SLC25A15: variants seen among roughly 807,000 people sequenced by gnomAD.
SLC25A15 encodes the protein solute carrier family 25 member 15.
SLC25A15 carries 24 observed loss-of-function variants against 32.3 expected under a neutral mutation model. That is an observed-to-expected ratio of 0.74 (90% CI 0.54 to 1.04). The LOEUF is 1.04. Among genes scored for constraint, SLC25A15 ranks in the 50% least tolerant of loss-of-function variants. SLC25A15 has a pLI of 0.00. For missense variants in SLC25A15, 317 were observed against 374.5 expected (o/e 0.85, Z 1.27); for synonymous variants, 132 against 142.1 (o/e 0.93, Z 0.51).
chr13:40,791,127 C>G (rs1056086808), intron 1 of SLC25A15, among the ~76,000 whole-genome samples: 3 of 151,532 alleles, frequency 2.0e-5, no homozygotes, highest in Non-Finnish European at 4.4e-5. Context: ...TTTGTGTTGC[C>G]TTTGGCCAGG....
chr13:40,805,049 G>A (rs1208209213), intron 3 of SLC25A15, 69 bp from the exon 4 acceptor site: 1 of 1,597,616 alleles, frequency 6.3e-7, no homozygotes, highest in Non-Finnish European at 8.6e-7. Context: ...TCACCAAAGT[G>A]CTGTCTGTGT....
chr13:40,792,399 C>T (rs1881540984), intron 1 of SLC25A15, among the ~76,000 whole-genome samples: 1 of 152,184 alleles, frequency 6.6e-6, no homozygotes, highest in African/African-American at 2.4e-5. Context: ...GAATCAGAGG[C>T]CGCATTTTAT....
chr13:40,791,559 T>C (rs1299744958), intron 1 of SLC25A15, among the ~76,000 whole-genome samples: 1 of 151,898 alleles, frequency 6.6e-6, no homozygotes, highest in African/African-American at 2.4e-5. Context: ...GGTTACACCA[T>C]ATTCGTCAAG....
Position 40,799,168 on chromosome 13 carries a change from C to T in SLC25A15, c.167C>T (p.Ser56Phe). Reference sequence around the variant, plus strand: ...ACCGACTGCTGCCTGAAGACTTACTCCCAGGTGGGCTTCCGTGGCTTCTAC... The same window carrying T: ...ACCGACTGCTGCCTGAAGACTTACTTCCAGGTGGGCTTCCGTGGCTTCTAC... ...GLTDCCLKTY[S>F]QVGFRGFYKG... Residue 56 changes from serine (S) to phenylalanine (F), a missense_variant, in exon 3 of 7, where the codon TCC becomes TTC. Physicochemically the swap from Ser to Phe is radical, Grantham distance 155. Transcript: ENST00000338625. 1 of 1,614,188 alleles carries T rather than the reference C, an allele frequency of 6.2e-7. No individual in the cohort carries two copies. The highest frequency in any genetic ancestry group is 1.1e-5 in the South Asian group (1 of 91,084).
chr13:40,809,402 G>A, intron 6 of SLC25A15, 141 bp from the exon 7 acceptor site: 1 of 1,029,960 alleles, frequency 9.7e-7, no homozygotes. Flanking sequence ...GGAAAAGCTG[G>A]GAATGCATCC....
At chr13:40,796,998 G>A (rs1056339274) in intron 2 of SLC25A15, among the ~76,000 whole-genome samples, 1 of 152,104 alleles carries the variant, frequency 6.6e-6, no homozygotes, top group African/African-American at 2.4e-5. Flanking sequence ...CTAGGCAAGT[G>A]GAGAAATATA....
chr13:40,797,127 C>G, intron 2 of SLC25A15, among the ~76,000 whole-genome samples: 2 of 152,066 alleles, frequency 1.3e-5, no homozygotes, highest in Middle Eastern at 6.8e-3. Context: ...CAGTGAGCGC[C>G]GTGACCATAT....
rs17061581 is a variant in SLC25A15 at position 40,803,641 on chromosome 13, T to C, written c.315-1477T>C. Among the ~76,000 whole-genome samples, 883 of 152,354 alleles carry C rather than the reference T, an allele frequency of 5.8e-3. 8 individuals carry two copies. The highest frequency in any genetic ancestry group is 0.014 in the South Asian group (66 of 4,828). The stretch of plus-strand genomic sequence containing the variant: ...CTAGTTTAGATTTCCAGTTTAGCAA[T>C]TTCACCTAATACCATTGAGCTTGCA... On this transcript the variant is annotated intron_variant, in intron 3 of 6. Coordinates refer to ENST00000338625, the MANE Select transcript of SLC25A15 (RefSeq NM_014252.4).
chr13:40,796,518 T>C (rs1049516217), intron 2 of SLC25A15, among the ~76,000 whole-genome samples: 12 of 152,262 alleles, frequency 7.9e-5, no homozygotes, highest in African/African-American at 2.9e-4. Context: ...TTACCTTGTT[T>C]AGCATAGTTG....
At chr13:40,799,912 G>A (rs1288542795) in intron 3 of SLC25A15, among the ~76,000 whole-genome samples, 1 of 152,192 alleles carries the variant, frequency 6.6e-6, no homozygotes, top group Non-Finnish European at 1.5e-5. Context: ...AAGATGCAAG[G>A]GAACCCACCT....
At chr13:40,794,264 C>G (rs1056365166) in intron 2 of SLC25A15, among the ~76,000 whole-genome samples, 3 of 151,974 alleles carry the variant, frequency 2.0e-5, no homozygotes, top group African/African-American at 7.3e-5. Context: ...CGCTTGAACC[C>G]CGGAGGCGGA....
chr13:40,805,085 C>T, intron 3 of SLC25A15, 33 bp from the exon 4 acceptor site: 1 of 1,613,542 alleles, frequency 6.2e-7, no homozygotes, highest in Non-Finnish European at 8.5e-7. Flanking sequence ...AATGAAGAAA[C>T]TGAGGGGTAA....
Position 40,809,524 on chromosome 13 carries a change from C to T in SLC25A15, c.782-19C>T, listed in dbSNP as rs746456783. On this transcript the variant is annotated intron_variant, in intron 6 of 6. Transcript: ENST00000338625. Reference sequence around the variant, plus strand: ...AAGGAGGGATTGTTGCAGTCTTTGACCGCCCTTTTATTTGCTAGGAATAAC... The same window carrying T: ...AAGGAGGGATTGTTGCAGTCTTTGATCGCCCTTTTATTTGCTAGGAATAAC... The T allele has an allele frequency of 3.7e-6, 6 of 1,611,848 alleles. No homozygotes were observed. The highest frequency in any genetic ancestry group is 5.1e-6 in the Non-Finnish European group (6 of 1,179,812).
At chr13:40,790,594 T>C (rs1016417963) in intron 1 of SLC25A15, among the ~76,000 whole-genome samples, 2 of 152,224 alleles carry the variant, frequency 1.3e-5, no homozygotes, top group African/African-American at 4.8e-5. Flanking sequence ...TATTTGTTTG[T>C]TTATTTTTTT....
chr13:40,808,493 G>T lies in SLC25A15; in HGVS notation c.678G>T (p.Ala226=), dbSNP rs183697658. 1.2e-6 allele frequency: 2 copies of T among 1,613,250 alleles called. No homozygotes were observed. The highest frequency in any genetic ancestry group is 1.1e-5 in the South Asian group (1 of 91,066). ...TTGGTGGGATTTGCCTCTGGCTTGC[G>T]GTATACCCAGTGGATTGTATCAAAT... ...GGVGGICLWL[A]VYPVDCIKSR... The change falls in exon 6 of 7, where the codon GCG becomes GCT. Residue 226 remains alanine (A), a synonymous_variant. Coordinates refer to ENST00000338625, the MANE Select transcript of SLC25A15 (RefSeq NM_014252.4).
rs778342930 is a variant in SLC25A15 at position 40,799,153 on chromosome 13, G to A, written c.152G>A (p.Cys51Tyr). The change falls in exon 3 of 7, where the codon TGC becomes TAC. Residue 51 changes from cysteine (C) to tyrosine (Y), a missense_variant. Coordinates refer to ENST00000338625, the MANE Select transcript of SLC25A15 (RefSeq NM_014252.4). ...PDLYRGLTDC[C>Y]LKTYSQVGFR... is the part of the protein sequence containing the mutation. ...CTGTACCGGGGCCTCACCGACTGCTGCCTGAAGACTTACTCCCAGGTGGGC... is the reference window on the plus strand; with the variant it reads ...CTGTACCGGGGCCTCACCGACTGCTACCTGAAGACTTACTCCCAGGTGGGC... The A allele has an allele frequency of 6.2e-7, 1 of 1,614,168 alleles. No individual in the cohort carries two copies. The highest frequency in any genetic ancestry group is 1.1e-5 in the South Asian group (1 of 91,088).
chr13:40,807,470 G>T lies in SLC25A15; in HGVS notation c.622+7G>T. 1 of 1,614,080 alleles carries T rather than the reference G, an allele frequency of 6.2e-7. No individual in the cohort carries two copies. Among genetic ancestry groups the T allele is most frequent in the Non-Finnish European group, 8.5e-7 (1 of 1,179,960 alleles). ...AGATCAAAAGATGAATTAGGTAAAT[G>T]TGTTTGCATTGACAGCAGTGGGGTG... On this transcript the variant is annotated splice_region_variant and intron_variant, in intron 5 of 6. Coordinates refer to ENST00000338625, the MANE Select transcript of SLC25A15 (RefSeq NM_014252.4).
At position 40,808,529 on chromosome 13, in the gene SLC25A15, A is replaced by C. The variant is rs144631850; in HGVS notation, c.714A>C (p.Gln238His). The change falls in exon 6 of 7, where the codon CAA (glutamine) becomes CAC (histidine). Residue 238 changes from glutamine to histidine, a missense_variant. By Grantham distance (24) the Gln-to-His change is conservative. Coordinates refer to ENST00000338625, the MANE Select transcript of SLC25A15 (RefSeq NM_014252.4). ...TGGATTGTATCAAATCCAGAATTCA[A>C]GTTCTTTCCATGTCTGGAAAACAGG... ...YPVDCIKSRI[Q>H]VLSMSGKQAG... is the part of the protein sequence containing the mutation. 1.2e-6 allele frequency: 2 copies of C among 1,612,526 alleles called. No homozygotes were observed. The highest frequency in any genetic ancestry group is 1.7e-6 in the Non-Finnish European group (2 of 1,179,932).
At chr13:40,801,380 T>C (rs959085550) in intron 3 of SLC25A15, among the ~76,000 whole-genome samples, 1 of 151,452 alleles carries the variant, frequency 6.6e-6, no homozygotes, top group Non-Finnish European at 1.5e-5. Context: ...TCTCTTAGAG[T>C]CTACAAAGCT....
Sources: gnomAD v4.1 joint callset for allele counts (sites outside exome capture counted in the v4.1 genomes callset) on GRCh38, gnomAD v4.1.1 for gene constraint, MANE v1.5 for transcripts, NCBI Gene and HGNC (gene_info 2026-07-23, HGNC 2026-07-21) for gene names.